The following EDNRA variants were observed in gnomAD, a reference collection of about 807,000 sequenced individuals.
EDNRA encodes endothelin-1 receptor.
A neutral mutation model predicts 41.4 loss-of-function variants in EDNRA; 11 were observed. The ratio of observed to expected loss-of-function variants is 0.27; its 90% CI spans 0.17 to 0.44. The LOEUF (loss-of-function observed/expected upper bound fraction) is 0.44, where lower values mean the gene tolerates loss of function less well. Among genes scored for constraint, EDNRA ranks in the 20% least tolerant of loss-of-function variants. The pLI, the probability that EDNRA is intolerant of heterozygous loss-of-function variation, is 1.00. For missense variants in EDNRA, 294 were observed against 531.0 expected (o/e 0.55, Z 4.39); for synonymous variants, 172 against 183.0 (o/e 0.94, Z 0.49).
intron 3 of EDNRA, among the ~76,000 whole-genome samples, chr4:147,521,567 G>A (rs778484833): frequency 6.6e-6 from 1 of 152,150 alleles, no homozygotes; most frequent in Non-Finnish European, 1.5e-5. Flanking sequence ...TCACTCTGAT[G>A]TTCCCACTCC....
intron 4 of EDNRA, among the ~76,000 whole-genome samples, chr4:147,535,338 T>A (rs765029811): frequency 7.9e-5 from 12 of 152,162 alleles, no homozygotes; most frequent in Non-Finnish European, 1.8e-4. Context: ...AGCGGCTGGC[T>A]TTAAGGTCAC....
intron 2 of EDNRA, among the ~76,000 whole-genome samples, chr4:147,497,766 GT>G (rs2126400902): frequency 6.6e-6 from 1 of 152,162 alleles, no homozygotes; most frequent in Admixed American, 6.5e-5. Flanking sequence ...TAGAGACGAG[GT>G]TTCACCGTGT....
At chr4:147,505,883 G>C (rs370584354) in intron 2 of EDNRA, among the ~76,000 whole-genome samples, 40 of 152,050 alleles carry the variant, frequency 2.6e-4, no homozygotes, top group African/African-American at 9.2e-4. Context: ...CTCCTGACCA[G>C]GAGATCCGCC....
intron 3 of EDNRA, among the ~76,000 whole-genome samples, chr4:147,531,349 C>T (rs1226505286): frequency 6.6e-6 from 1 of 152,096 alleles, no homozygotes. Flanking sequence ...TGACATTTAC[C>T]ACAAATAGGT....
At chr4:147,530,353 G>C (rs749915098) in intron 3 of EDNRA, among the ~76,000 whole-genome samples, 10 of 152,106 alleles carry the variant, frequency 6.6e-5, no homozygotes, top group Non-Finnish European at 1.2e-4. Flanking sequence ...TGGGTATCAG[G>C]CTGCCAGTTT....
intron 2 of EDNRA, among the ~76,000 whole-genome samples, chr4:147,497,867 A>G (rs529451042): frequency 1.7e-4 from 26 of 152,286 alleles, no homozygotes; most frequent in Non-Finnish European, 3.1e-4. Flanking sequence ...CACCGCGCCC[A>G]GCCTCTCTCG....
intron 1 of EDNRA, among the ~76,000 whole-genome samples, chr4:147,481,895 G>A (rs541550602): frequency 9.2e-5 from 14 of 152,294 alleles, no homozygotes; most frequent in African/African-American, 2.6e-4. Context: ...AGCTAGTTTT[G>A]GAAACCTGCC....
chr4:147,515,046 T>G (rs1165079929), intron 2 of EDNRA, among the ~76,000 whole-genome samples: 2 of 152,216 alleles, frequency 1.3e-5, no homozygotes, highest in Non-Finnish European at 2.9e-5. Flanking sequence ...CTGCAGCTGC[T>G]AAGTCTTGGG....
At position 147,485,646 on chromosome 4, in the gene EDNRA, G is replaced by A. The variant is rs1728917176; in HGVS notation, c.-36G>A. On this transcript the variant is annotated 5_prime_UTR_variant, in exon 2 of 8. It adds an upstream start codon to the 5' untranslated region. Transcript: ENST00000651419. Reference sequence around the variant, plus strand: ...AAGTGAAGGTGTAAAAGCAGCACAAGTGCAATAAGAGATATTTCCTCAAAT... The same window carrying A: ...AAGTGAAGGTGTAAAAGCAGCACAAATGCAATAAGAGATATTTCCTCAAAT... The A allele has an allele frequency of 7.8e-6, 12 of 1,539,856 alleles. No individual in the cohort carries two copies. Among genetic ancestry groups the A allele is most frequent in the Non-Finnish European group, 1.0e-5 (12 of 1,144,262 alleles).
chr4:147,531,433 G>T (rs972364442), intron 3 of EDNRA, among the ~76,000 whole-genome samples: 2 of 152,074 alleles, frequency 1.3e-5, no homozygotes, highest in African/African-American at 4.8e-5. Context: ...GAATATCTGT[G>T]GTGGTTATTC....
chr4:147,496,209 AT>A (rs1049958974), intron 2 of EDNRA: 11 of 152,236 alleles, frequency 7.2e-5, no homozygotes, highest in African/African-American at 2.4e-4. Flanking sequence ...ACAAAAAAAA[AT>A]CTCTAACTAC....
chr4:147,525,692 G>C, intron 3 of EDNRA, among the ~76,000 whole-genome samples: 1 of 152,024 alleles, frequency 6.6e-6, no homozygotes, highest in Non-Finnish European at 1.5e-5. Context: ...GATGGGGTCA[G>C]ACCAGTAAAA....
chr4:147,496,821 C>T (rs1729316039), intron 2 of EDNRA, among the ~76,000 whole-genome samples: 1 of 152,176 alleles, frequency 6.6e-6, no homozygotes, highest in African/African-American at 2.4e-5. Context: ...CGCACTTTCT[C>T]AATTCTACTA....
chr4:147,495,939 T>C (rs1158088502), intron 2 of EDNRA: 1 of 152,354 alleles, frequency 6.6e-6, no homozygotes. Flanking sequence ...TCCTCAATTT[T>C]TAAAGATTTG....
At chr4:147,500,999 G>A (rs899527076) in intron 2 of EDNRA, among the ~76,000 whole-genome samples, 2 of 152,172 alleles carry the variant, frequency 1.3e-5, no homozygotes, top group African/African-American at 4.8e-5. Context: ...TGGTGTAAGA[G>A]CCTCTCAGTA....
In EDNRA at chr4:147,533,087, A is replaced by G. The variant is rs772148544; in HGVS notation, c.747+383A>G. Among the ~76,000 whole-genome samples, 135 of 152,188 alleles carry G rather than the reference A, an allele frequency of 8.9e-4. No individual in the cohort carries two copies. The Middle Eastern group carries it at 0.01, about 12-fold the overall frequency. On this transcript the variant is annotated intron_variant, in intron 4 of 7. Coordinates refer to ENST00000651419, the MANE Select transcript of EDNRA (RefSeq NM_001957.4). Reference sequence around the variant, plus strand: ...TAATGAATACAACACAACAATTTCCATCTGGAAGACGTGCTGATGTTTATC... The same window carrying G: ...TAATGAATACAACACAACAATTTCCGTCTGGAAGACGTGCTGATGTTTATC...
At chr4:147,515,337 C>G (rs1410821476) in intron 2 of EDNRA, among the ~76,000 whole-genome samples, 3 of 152,268 alleles carry the variant, frequency 2.0e-5, no homozygotes, top group African/African-American at 7.2e-5. Context: ...CTAAAAATAT[C>G]TCAGACATTG....
At chr4:147,506,388 G>T in intron 2 of EDNRA, 2 of 415,536 alleles carry the variant, frequency 4.8e-6, no homozygotes, top group Non-Finnish European at 4.7e-6. Flanking sequence ...GACTGCCAGT[G>T]AAAAGTACAT....
intron 2 of EDNRA, among the ~76,000 whole-genome samples, chr4:147,507,159 T>A (rs952221162): frequency 5.9e-5 from 9 of 151,496 alleles, no homozygotes; most frequent in African/African-American, 2.2e-4. Flanking sequence ...AAAAAAACAG[T>A]CAACTACAGA....
Sources: allele counts gnomAD v4.1 joint callset (sites outside exome capture counted in the v4.1 genomes callset), GRCh38; gene constraint gnomAD v4.1.1; transcripts MANE v1.5; gene names NCBI Gene and HGNC (gene_info 2026-07-23, HGNC 2026-07-21).